SLU7: variants seen among roughly 807,000 people sequenced by gnomAD.
SLU7 encodes spliceosome associated SLU7.
Under a neutral mutation model 87.0 loss-of-function variants are expected in SLU7, and 60 were observed. The observed-to-expected ratio is 0.69, with a 90% CI of 0.56 to 0.86. The LOEUF (loss-of-function observed/expected upper bound fraction) is 0.86, where lower values mean the gene tolerates loss of function less well. Among genes scored for constraint, SLU7 ranks in the 40% least tolerant of loss-of-function variants. The probability of loss-of-function intolerance (pLI) is 0.00; values close to 1 mark genes in which losing one functional copy is unlikely to be tolerated. For synonymous variants in SLU7, 197 were observed against 222.0 expected (o/e 0.89, Z 1.00); for missense variants, 507 against 686.6 (o/e 0.74, Z 2.92).
At chr5:160,418,785 G>GA (rs1429909816) in intron 1 of SLU7, 8 of 152,364 alleles carry the variant, frequency 5.3e-5, no homozygotes, top group Admixed American at 2.0e-4. Flanking sequence ...CGCCACAAAG[G>GA]CGACACTCTC....
chr5:160,406,610 A>C lies in SLU7; in HGVS notation c.1145T>G (p.Leu382Trp). 1.2e-6 allele frequency: 2 copies of C among 1,609,908 alleles called. No homozygotes were observed. The highest frequency in any genetic ancestry group is 1.7e-6 in the Non-Finnish European group (2 of 1,178,380). The change falls in exon 12 of 16, where the codon TTG becomes TGG. Residue 382 changes from leucine (L) to tryptophan (W), a missense_variant. By Grantham distance (61) the Leu-to-Trp change is moderately conservative. Transcript: ENST00000297151. Reference protein sequence around the residue: ...ILEKYGGQEHLDAPPAELLLA... With the variant: ...ILEKYGGQEHWDAPPAELLLA... ...AAGCAATTCAGCTGGAGGGGCATCC[A>C]AATGTTCTTGGCCACCATACTAAAA...
chr5:160,415,632 G>A (rs1376076705), intron 1 of SLU7, among the ~76,000 whole-genome samples: 1 of 152,140 alleles, frequency 6.6e-6, no homozygotes, highest in Non-Finnish European at 1.5e-5. Flanking sequence ...TGAGAGAAAA[G>A]AGGGTCCTAT....
intron 1 of SLU7, among the ~76,000 whole-genome samples, chr5:160,417,779 T>G (rs555623028): frequency 2.5e-4 from 28 of 114,014 alleles, no homozygotes; most frequent in Non-Finnish European, 4.6e-4. Context: ...GCGACAGAGC[T>G]AGACTACGTC....
At chr5:160,413,041 A>G (rs1362466675) in intron 5 of SLU7, among the ~76,000 whole-genome samples, 1 of 152,142 alleles carries the variant, frequency 6.6e-6, no homozygotes, top group Non-Finnish European at 1.5e-5. Flanking sequence ...ATAAAATAAA[A>G]TTTTCTGAAA....
In SLU7 at chr5:160,404,528, T is replaced by G. The variant is rs1332170525; in HGVS notation, c.1493A>C (p.Lys498Thr). ...ELHQEKLKEEKKKKKKKKKKH... is the reference protein window; with the variant it reads ...ELHQEKLKEETKKKKKKKKKH... Reference sequence around the variant, plus strand: ...CTTCTTTTTCTTTTTCTTCTTCTTCTTTTCCTCTTTCAGTTTTTCTTGATG... The same window carrying G: ...CTTCTTTTTCTTTTTCTTCTTCTTCGTTTCCTCTTTCAGTTTTTCTTGATG... Residue 498 changes from lysine (K) to threonine (T), a missense_variant, in exon 15 of 16, where the codon AAG becomes ACG. By Grantham distance (78) the Lys-to-Thr change is moderately conservative (BLOSUM62 -1). This residue lies in a region of SLU7 where 201 missense variants were observed against 213.4 expected (regional missense o/e 0.94). Coordinates refer to ENST00000297151, the MANE Select transcript of SLU7 (RefSeq NM_006425.5). The G allele has an allele frequency of 6.2e-7, 1 of 1,608,512 alleles. No homozygotes were observed. Among genetic ancestry groups the G allele is most frequent in the African/African-American group, 1.3e-5 (1 of 74,754 alleles).
At position 160,404,479 on chromosome 5, in the gene SLU7, A is replaced by G. The variant is rs1764916570; in HGVS notation, c.1542T>C (p.Asp514=). 1 of 1,610,738 alleles carries G rather than the reference A, an allele frequency of 6.2e-7. No individual in the cohort carries two copies. Among genetic ancestry groups the G allele is most frequent in the Non-Finnish European group, 8.5e-7 (1 of 1,177,912 alleles). ...KKKKHRKSSS[D]SDDEEKKHEK... is the part of the protein sequence containing the mutation. ...CATGCTTCTTTTCTTCATCATCACT[A>G]TCTGAACTGCTCTTTCGATGCTTCT... The change falls in exon 15 of 16, where the codon GAT becomes GAC. Residue 514 remains aspartate, a synonymous_variant. Coordinates refer to ENST00000297151, the MANE Select transcript of SLU7 (RefSeq NM_006425.5).
intron 6 of SLU7, among the ~76,000 whole-genome samples, chr5:160,412,017 T>C (rs1178474948): frequency 6.6e-6 from 1 of 152,216 alleles, no homozygotes; most frequent in East Asian, 1.9e-4. Context: ...CCAGTGTTGT[T>C]AATGAAGTCT....
intron 12 of SLU7, 67 bp from the exon 13 acceptor site, chr5:160,405,202 T>C (rs896797173): frequency 9.2e-7 from 1 of 1,089,752 alleles, no homozygotes; most frequent in African/African-American, 1.6e-5. Flanking sequence ...ATACTGTTGA[T>C]AAGAGTATAA....
intron 1 of SLU7, chr5:160,417,012 G>C (rs1278157643): frequency 6.6e-6 from 1 of 152,164 alleles, no homozygotes; most frequent in Non-Finnish European, 1.5e-5. Context: ...CGTTTTGCTT[G>C]GCTCTCATTC....
chr5:160,404,580 G>T, intron 14 of SLU7, 24 bp from the exon 15 acceptor site: 1 of 1,452,388 alleles, frequency 6.9e-7, no homozygotes, highest in Non-Finnish European at 9.6e-7. Flanking sequence ...TTGAAATGCA[G>T]TGTTATTAAT....
intron 1 of SLU7, among the ~76,000 whole-genome samples, chr5:160,418,285 T>C (rs1490629609): frequency 6.6e-6 from 1 of 152,160 alleles, no homozygotes; most frequent in Admixed American, 6.5e-5. Context: ...TGAACACCAT[T>C]TTACAGTGAA....
chr5:160,414,587 G>A, intron 2 of SLU7, 115 bp from the exon 3 acceptor site: 1 of 562,382 alleles, frequency 1.8e-6, no homozygotes, highest in East Asian at 3.1e-5. Context: ...GCAGTGGTAG[G>A]GGGAAGAGAA....
At chr5:160,415,407 G>GT (rs1004668044) in intron 1 of SLU7, 97 bp from the exon 2 acceptor site, 3,409 of 881,120 alleles carry the variant, frequency 3.9e-3, no homozygotes, top group South Asian at 5.5e-3. Context: ...TGTTTCATAT[G>GT]TTTTTTTTTC....
chr5:160,404,611 C>A, intron 14 of SLU7, 55 bp from the exon 15 acceptor site: 1 of 1,263,916 alleles, frequency 7.9e-7, no homozygotes, highest in Non-Finnish European at 1.1e-6. Flanking sequence ...AGCTCAGGTG[C>A]ACTACTTGGG....
rs998546480 is a variant in SLU7 at position 160,403,034 on chromosome 5, T to TA, written c.*250dup. The TA allele has an allele frequency of 2.0e-4, 53 of 270,130 alleles. No individual in the cohort carries two copies. The highest frequency in any genetic ancestry group is 1.0e-3 in the Middle Eastern group (1 of 982). The allele number at this position is 270,130 out of a possible 1,614,324, so 16.7% of individuals were successfully genotyped here. On this transcript the variant is annotated 3_prime_UTR_variant, in exon 16 of 16. Transcript: ENST00000297151. ...CGTCTCAAAAAAAAAAATAAATAAATAAAAAAAACTGGAAATAAAATCTTA... is the reference window on the plus strand; with the variant it reads ...CGTCTCAAAAAAAAAAATAAATAAATAAAAAAAAACTGGAAATAAAATCTTA...
Position 160,407,951 on chromosome 5 carries a change from A to T in SLU7, c.917+20T>A. The T allele has an allele frequency of 6.5e-7, 1 of 1,549,996 alleles. No homozygotes were observed. The highest frequency in any genetic ancestry group is 8.9e-7 in the Non-Finnish European group (1 of 1,122,284). ...AACTTTCTCTCATCTTAAAATCTGT[A>T]CATTTAACTTGATACTTACTCATCT... On this transcript the variant is annotated intron_variant, in intron 9 of 15. Coordinates refer to ENST00000297151, the MANE Select transcript of SLU7 (RefSeq NM_006425.5). This position sits in a 1 kb window ranked among gnomAD's most constrained non-coding sequence, Gnocchi z 4.2.
At position 160,413,471 on chromosome 5, in the gene SLU7, A is replaced by G; in HGVS notation, c.555T>C (p.Tyr185=). The G allele has an allele frequency of 6.2e-7, 1 of 1,613,152 alleles. No individual in the cohort carries two copies. Among genetic ancestry groups the G allele is most frequent in the Non-Finnish European group, 8.5e-7 (1 of 1,179,730 alleles). ...TTTTGCTCACCAAATCAACTTTGGC[A>G]TACTCTTCAACAATTTTCATGTGTT... The part of the protein sequence containing the change: ...PEEHMKIVEE[Y]AKVDLAKRTL... The change falls in exon 5 of 16, where the codon TAT becomes TAC. Residue 185 remains tyrosine (Y), a synonymous_variant. Transcript: ENST00000297151.
intron 14 of SLU7, 47 bp downstream of exon 14, chr5:160,404,762 C>T (rs373410456): frequency 3.0e-6 from 4 of 1,324,774 alleles, no homozygotes; most frequent in Non-Finnish European, 4.3e-6. Context: ...GTTTTAAAGC[C>T]CTCCCTCCAG....
Position 160,414,830 on chromosome 5 carries a change from T to C in SLU7, c.170+295A>G, listed in dbSNP as rs535700673. On this transcript the variant is annotated intron_variant, in intron 2 of 15. Transcript: ENST00000297151. ...ATTAAAATAATTGTGTAGGTATTAT[T>C]ATCTAGAGATGTGACGGTAACAACC... Among the ~76,000 whole-genome samples the C allele has an allele frequency of 3.5e-3, 532 of 152,278 alleles. 4 individuals carry two copies. Among genetic ancestry groups the C allele is most frequent in the African/African-American group, 0.012 (478 of 41,550 alleles).
Sources: gnomAD v4.1 joint callset for allele counts (sites outside exome capture counted in the v4.1 genomes callset) on GRCh38, gnomAD v4.1.1 for gene constraint, gnomAD v4.1.1 regional missense constraint, Gnocchi (gnomAD v3.1) non-coding constraint, MANE v1.5 for transcripts, NCBI Gene and HGNC (gene_info 2026-07-23, HGNC 2026-07-21) for gene names.